KIAA1210: variants seen among roughly 807,000 people sequenced by gnomAD.
KIAA1210 encodes KIAA1210, also known as acrosomal protein KIAA1210.
In KIAA1210, 48 loss-of-function variants were observed where a neutral mutation model predicts 78.9. The observed-to-expected ratio is 0.61, with a 90% CI of 0.48 to 0.77. The LOEUF is 0.77. KIAA1210 is among the 30% of genes least tolerant of loss of function. The pLI, the probability that KIAA1210 is intolerant of heterozygous loss-of-function variation, is 0.00. For synonymous variants in KIAA1210, 406 were observed against 404.5 expected (o/e 1.00, Z -0.04); for missense variants, 1,108 against 1,100.0 (o/e 1.01, Z -0.10).
At chrX:119,151,083 T>C (rs148366331), upstream of KIAA1210, among the ~76,000 whole-genome samples, 2,045 of 112,287 alleles carry the variant, frequency 0.018, 50 homozygotes, top group African/African-American at 0.062. Context: ...AGCTCGGCAC[T>C]TCAAGCGCCC....
chrX:119,117,180 G>A (rs1008734784), intron 2 of KIAA1210, among the ~76,000 whole-genome samples: 1 of 112,243 alleles, frequency 8.9e-6, no homozygotes, highest in Non-Finnish European at 1.9e-5. Flanking sequence ...CCTAGCCTGC[G>A]TGCTCAAAGG....
At chrX:119,116,193 G>A (rs1044656127) in intron 3 of KIAA1210, among the ~76,000 whole-genome samples, 6 of 111,996 alleles carry the variant, frequency 5.4e-5, no homozygotes, top group South Asian at 3.8e-4. Flanking sequence ...TTTTAGTTGC[G>A]ACAGGCAGGG....
upstream of KIAA1210, among the ~76,000 whole-genome samples, chrX:119,131,224 C>G (rs1016077520): frequency 8.9e-6 from 1 of 112,305 alleles, no homozygotes; most frequent in Non-Finnish European, 1.9e-5. Context: ...GATTCCCACC[C>G]CCTGGTATGC....
chrX:119,095,627 A>C lies in KIAA1210; in HGVS notation c.846+867T>G, dbSNP rs1927528231. ...GGTCTCACACTCCTGACCTCAGGTG[A>C]TCCGCCCGCCTTGGCCTCCCAAAGT... On this transcript the variant is annotated intron_variant, in intron 7 of 11. Transcript: ENST00000691062. Among the ~76,000 whole-genome samples, 6 of 111,822 alleles carry C rather than the reference A, an allele frequency of 5.4e-5. No individual in the cohort carries two copies. In the South Asian group the frequency reaches 2.3e-3, roughly 42 times the overall value.
At position 119,087,806 on chromosome X, in the gene KIAA1210, C is replaced by T; in HGVS notation, c.2896G>A (p.Ala966Thr). The part of the protein sequence containing the change: ...VQQLSSNFER[A>T]AIEADISGSP... ...CCAGAAATGTCTGCCTCAATAGCAGCCCGCTCGAAATTTGAGGACAGTTGC... is the reference window on the plus strand; with the variant it reads ...CCAGAAATGTCTGCCTCAATAGCAGTCCGCTCGAAATTTGAGGACAGTTGC... Residue 966 changes from alanine (A) to threonine (T), a missense_variant, in exon 9 of 12, where the codon GCT becomes ACT. Physicochemically the swap from Ala to Thr is moderately conservative, Grantham distance 58. Transcript: ENST00000691062. 3 of 1,211,509 alleles carry T rather than the reference C, an allele frequency of 2.5e-6. No individual in the cohort carries two copies. The East Asian group carries it at 8.9e-5, about 36-fold the overall frequency.
chrX:119,144,575 G>A (rs1387485574), intron 2 of KIAA1210, among the ~76,000 whole-genome samples: 1 of 111,993 alleles, frequency 8.9e-6, no homozygotes, highest in Non-Finnish European at 1.9e-5. Flanking sequence ...GAGGAATCCT[G>A]TGAGGGCTGA....
upstream of KIAA1210, among the ~76,000 whole-genome samples, chrX:119,130,210 TG>T (rs1340318867): frequency 8.9e-6 from 1 of 112,186 alleles, no homozygotes; most frequent in East Asian, 2.8e-4. Flanking sequence ...TGGTGTTCTC[TG>T]CCCACTGGAG....
intron 3 of KIAA1210, among the ~76,000 whole-genome samples, chrX:119,111,014 T>C (rs1224364368): frequency 9.1e-6 from 1 of 110,081 alleles, no homozygotes; most frequent in Non-Finnish European, 1.9e-5. Flanking sequence ...AAGAACAAAG[T>C]TGGATAACTT....
At chrX:119,123,804 T>A (rs1006605321) in intron 1 of KIAA1210, among the ~76,000 whole-genome samples, 152 bp from the exon 2 acceptor site, 1 of 112,153 alleles carries the variant, frequency 8.9e-6, no homozygotes, top group African/African-American at 3.2e-5. Flanking sequence ...CAGAGAATTA[T>A]CCTTCCTTTA....
rs750063974 is a variant in KIAA1210 at position 119,096,440 on chromosome X, G to C, written c.846+54C>G. ...CCCTAGTAGTAGTTTGCAAAGGTTG[G>C]AACTCATCTTTTCTTATACAGGAGT... is the stretch of plus-strand genomic sequence containing the variant. On this transcript the variant is annotated intron_variant, in intron 7 of 11. Coordinates refer to ENST00000691062, the MANE Select transcript of KIAA1210 (RefSeq NM_001394962.1). 43 of 1,060,333 alleles carry C rather than the reference G, an allele frequency of 4.1e-5. 1 individual carries two copies. The African/African-American group carries it at 6.3e-4, about 16-fold the overall frequency. The allele number at this position is 1,060,333 out of a possible 1,213,427, so 87.4% of individuals were successfully genotyped here. A position where few individuals can be genotyped will look rare whatever the true frequency, so the allele number is the denominator to read the frequency against.
intron 3 of KIAA1210, among the ~76,000 whole-genome samples, chrX:119,115,348 T>C (rs2147186494): frequency 9.0e-6 from 1 of 111,016 alleles, no homozygotes; most frequent in South Asian, 3.9e-4. Context: ...TGAATGCCCC[T>C]CCCTGACCTC....
rs1181885760 is a variant in KIAA1210, at chrX:119,081,481, G to A, written c.4450C>T (p.Leu1484=). 8.3e-7 allele frequency: 1 copy of A among 1,208,635 alleles called. No individual in the cohort carries two copies. The highest frequency in any genetic ancestry group is 2.2e-5 in the Admixed American group (1 of 45,632). ...KSVGFEAQKI[L]QVPAMEKETK... ...TCTTTTTCCATGGCAGGAACTTGCAGTATCTTCTGAGCTTCAAATCCAACT... is the reference window on the plus strand; with the variant it reads ...TCTTTTTCCATGGCAGGAACTTGCAATATCTTCTGAGCTTCAAATCCAACT... Residue 1484 remains leucine (L), a synonymous_variant, in exon 12 of 12, where the codon CTG becomes TTG. Coordinates refer to ENST00000691062, the MANE Select transcript of KIAA1210 (RefSeq NM_001394962.1).
Position 119,109,088 on chromosome X carries a change from G to T in KIAA1210, c.345C>A (p.Gly115=). ...KMFPSMDPQR[G]RPQQRSHISR... ...AGTCCACTATTACCTGCTGAGGTCT[G>T]CCTCTCTGGGGATCCATAGAAGGAA... The change falls in exon 4 of 12, where the codon GGC becomes GGA. Residue 115 remains glycine (G), a synonymous_variant. Coordinates refer to ENST00000691062, the MANE Select transcript of KIAA1210 (RefSeq NM_001394962.1). 8.3e-7 allele frequency: 1 copy of T among 1,208,999 alleles called. No individual in the cohort carries two copies.
intron 6 of KIAA1210, 29 bp from the exon 7 acceptor site, chrX:119,096,720 T>C: frequency 9.3e-7 from 1 of 1,080,880 alleles, no homozygotes; most frequent in Non-Finnish European, 1.3e-6. Flanking sequence ...AATAGACGAG[T>C]CAACCCGTAT....
chrX:119,124,329 C>T (rs762422192), intron 1 of KIAA1210, among the ~76,000 whole-genome samples: 2 of 112,086 alleles, frequency 1.8e-5, no homozygotes, highest in Non-Finnish European at 3.8e-5. Flanking sequence ...TAAAATTGAT[C>T]GTGGTGATGG....
chrX:119,125,632 C>T (rs777660779), intron 1 of KIAA1210, among the ~76,000 whole-genome samples: 1 of 94,867 alleles, frequency 1.1e-5, no homozygotes, highest in Admixed American at 1.2e-4. Context: ...GCAGCCTCAA[C>T]CTCCTTGGCT....
intron 4 of KIAA1210, 84 bp from the exon 5 acceptor site, chrX:119,108,555 T>C: frequency 9.3e-7 from 1 of 1,072,499 alleles, no homozygotes; most frequent in Non-Finnish European, 1.2e-6. Context: ...ATAATTATTC[T>C]TATGGTGTGT....
chrX:119,093,537 A>G, intron 8 of KIAA1210, 130 bp downstream of exon 8: 2 of 383,527 alleles, frequency 5.2e-6, no homozygotes, highest in Non-Finnish European at 8.8e-6. Flanking sequence ...TTCTGCATAT[A>G]AAATTGAAAG....
At chrX:119,147,346 T>C in intron 2 of KIAA1210, 1 of 755,404 alleles carries the variant, frequency 1.3e-6, no homozygotes, top group East Asian at 3.4e-5. Context: ...TCTCAAATTG[T>C]AACCCACACT....
Sources: allele counts gnomAD v4.1 joint callset (sites outside exome capture counted in the v4.1 genomes callset), GRCh38; gene constraint gnomAD v4.1.1; transcripts MANE v1.5; gene names NCBI Gene and HGNC (gene_info 2026-07-23, HGNC 2026-07-21).